Variants in RNF150 observed in about 807,000 individuals in gnomAD.
RNF150 encodes the protein ring finger protein 150.
In RNF150, 24 loss-of-function variants were observed where a neutral mutation model predicts 39.3. That is an observed-to-expected ratio of 0.61 (90% confidence interval 0.44 to 0.86). RNF150 has a LOEUF of 0.86. RNF150 is among the 40% of genes least tolerant of loss of function. The probability of loss-of-function intolerance (pLI) is 0.00; values close to 1 mark genes in which losing one functional copy is unlikely to be tolerated. For synonymous variants in RNF150, 255 were observed against 227.3 expected (o/e 1.12, Z -1.10); for missense variants, 502 against 587.8 (o/e 0.85, Z 1.51).
At chr4:141,062,319 A>G (rs28430438) in intron 1 of RNF150, among the ~76,000 whole-genome samples, 30,029 of 152,008 alleles carry the variant, frequency 0.2, 3,323 homozygotes, top group South Asian at 0.44. Flanking sequence ...ATAAACATGC[A>G]TCTTATATAT....
At chr4:141,027,919 T>G (rs7664391) in intron 1 of RNF150, among the ~76,000 whole-genome samples, 32,581 of 76,808 alleles carry the variant, frequency 0.42, 6,476 homozygotes, top group East Asian at 0.5. Context: ...TTTGTTTTTT[T>G]TTTTTTGTTT....
rs4019263 is a variant in RNF150, at chr4:141,030,281, CA to C, written c.485-62409del. ...ACCTCATACCCATTATAATGGCTAT[CA>C]AAAAAAAAAAACCCAGAAAATAACA... is the stretch of plus-strand genomic sequence containing the variant. On this transcript the variant is annotated intron_variant, in intron 1 of 6. Transcript: ENST00000515673. Among the ~76,000 whole-genome samples the C allele has an allele frequency of 3.6e-3, 538 of 148,090 alleles. 2 individuals are homozygous for C. Among genetic ancestry groups the C allele is most frequent in the African/African-American group, 7.9e-3 (319 of 40,164 alleles).
chr4:140,921,910 AT>A, intron 5 of RNF150, among the ~76,000 whole-genome samples: 1 of 152,120 alleles, frequency 6.6e-6, no homozygotes, highest in East Asian at 1.9e-4. Flanking sequence ...CTTTGACAAA[AT>A]TCAACAACGC....
chr4:141,009,414 C>A (rs1175058751), intron 1 of RNF150, among the ~76,000 whole-genome samples: 1 of 152,186 alleles, frequency 6.6e-6, no homozygotes, highest in Non-Finnish European at 1.5e-5. Context: ...GCTAGGCAAA[C>A]TATTTAACCT....
intron 2 of RNF150, among the ~76,000 whole-genome samples, chr4:140,956,043 C>G (rs566404868): frequency 2.0e-5 from 3 of 152,096 alleles, no homozygotes; most frequent in Non-Finnish European, 4.4e-5. Flanking sequence ...CTGGATTAGC[C>G]TCAAAGGCAA....
Position 140,970,753 on chromosome 4 carries a change from G to A in RNF150, c.485-2880C>T, listed in dbSNP as rs1733433022. On this transcript the variant is annotated intron_variant, in intron 1 of 6. Coordinates refer to ENST00000515673, the MANE Select transcript of RNF150 (RefSeq NM_020724.2). The stretch of plus-strand genomic sequence containing the variant: ...CACCACTTGTGTTGTCTGTGCCACT[G>A]TTGTGCCCTCATGACATATAATATC... Among the ~76,000 whole-genome samples, 3 of 152,124 alleles carry A rather than the reference G, an allele frequency of 2.0e-5. No individual in the cohort carries two copies. In the South Asian group the frequency reaches 6.2e-4, roughly 32 times the overall value.
intron 1 of RNF150, among the ~76,000 whole-genome samples, chr4:140,997,715 T>C (rs115014721): frequency 0.074 from 11,208 of 151,008 alleles, 488 homozygotes; most frequent in Middle Eastern, 0.17. Flanking sequence ...CACACACATA[T>C]ATGTGTGTAT....
Position 141,201,653 on chromosome 4 carries a change from C to T in RNF150, c.-6+11141G>A, listed in dbSNP as rs1728294614. On this transcript the variant is annotated intron_variant, in intron 1 of 7. Transcript: ENST00000420921. ...AATTTTCTTCTTGGAACCAAAGCCTCAAGGACCTCTTAAATCAGGGACTCC... is the reference window on the plus strand; with the variant it reads ...AATTTTCTTCTTGGAACCAAAGCCTTAAGGACCTCTTAAATCAGGGACTCC... Among the ~76,000 whole-genome samples the T allele has an allele frequency of 3.3e-5, 5 of 152,122 alleles. No individual in the cohort carries two copies. In the South Asian group the frequency reaches 1.0e-3, roughly 32 times the overall value.
chr4:140,964,681 T>C lies in RNF150; in HGVS notation c.735+2942A>G, dbSNP rs576623996. On this transcript the variant is annotated intron_variant, in intron 2 of 6. Transcript: ENST00000515673. ...ATGGGAAGATTAAACATCATAAAGT[T>C]ACAAATTTCCCCTAAATTATCCTAT... Among the ~76,000 whole-genome samples the C allele has an allele frequency of 2.6e-3, 394 of 152,182 alleles. 1 individual carries two copies. Among genetic ancestry groups the C allele is most frequent in the African/African-American group, 9.4e-3 (391 of 41,562 alleles).
At chr4:140,917,114 C>T (rs1578961963) in intron 5 of RNF150, among the ~76,000 whole-genome samples, 1 of 152,264 alleles carries the variant, frequency 6.6e-6, no homozygotes, top group East Asian at 1.9e-4. Flanking sequence ...ACCATCAAGG[C>T]TAGGAAGAAA....
chr4:141,117,657 A>G (rs963720458), intron 1 of RNF150, among the ~76,000 whole-genome samples: 5 of 152,220 alleles, frequency 3.3e-5, no homozygotes, highest in African/African-American at 1.2e-4. Context: ...TAAGCAATGC[A>G]TGACTATGTA....
rs1431851091 is a variant in RNF150 at position 140,860,269 on chromosome 4, T to G, written c.*7992A>C. On this transcript the variant is annotated 3_prime_UTR_variant, in exon 7 of 7. Transcript: ENST00000515673. Reference sequence around the variant, plus strand: ...AAAAATTTAAAAAACTACACTGCCTTAACTAATCATCTCAATATGCACACA... The same window carrying G: ...AAAAATTTAAAAAACTACACTGCCTGAACTAATCATCTCAATATGCACACA... 1 of 152,170 alleles carries G rather than the reference T, an allele frequency of 6.6e-6. No homozygotes were observed. The highest frequency in any genetic ancestry group is 1.5e-5 in the Non-Finnish European group (1 of 68,026). 9.4% of individuals were successfully genotyped at this position (152,170 alleles called of 1,614,324 possible). A position where few individuals can be genotyped will look rare whatever the true frequency, so the allele number is the denominator to read the frequency against.
chr4:140,999,962 AGAAGAAG>A (rs1166483114), intron 1 of RNF150, among the ~76,000 whole-genome samples: 2 of 34,206 alleles, frequency 5.8e-5, no homozygotes, highest in East Asian at 7.9e-4. Context: ...AAGAAGAAGA[AGAAGAAG>A]AAGAAGAAAA....
At chr4:141,087,949 T>C (rs949423014) in intron 1 of RNF150, among the ~76,000 whole-genome samples, 11 of 152,154 alleles carry the variant, frequency 7.2e-5, no homozygotes, top group Non-Finnish European at 1.6e-4. Context: ...GTCCCTTCAT[T>C]TGAGGACATG....
exon 1 of RNF150, chr4:141,212,801 T>C (rs756012838): frequency 6.5e-6 from 1 of 152,946 alleles, no homozygotes; most frequent in Non-Finnish European, 1.5e-5. Flanking sequence ...CACAGTTCCA[T>C]AGGCTGTACA....
chr4:140,957,843 T>C (rs1394159317), intron 2 of RNF150, among the ~76,000 whole-genome samples: 3 of 141,806 alleles, frequency 2.1e-5, no homozygotes, highest in Non-Finnish European at 4.5e-5. Context: ...AGGTGGGAAA[T>C]GAACAATGAG....
At chr4:140,965,630 G>A (rs1389754461) in intron 2 of RNF150, among the ~76,000 whole-genome samples, 2 of 152,034 alleles carry the variant, frequency 1.3e-5, no homozygotes, top group Non-Finnish European at 2.9e-5. Flanking sequence ...GGAGGACATC[G>A]TGTTAAGTGA....
At chr4:140,987,785 G>C (rs1413088106) in intron 1 of RNF150, among the ~76,000 whole-genome samples, 1 of 151,926 alleles carries the variant, frequency 6.6e-6, no homozygotes, top group African/African-American at 2.4e-5. Context: ...AAACAGCTTT[G>C]GTACAGCAAA....
intron 1 of RNF150, among the ~76,000 whole-genome samples, chr4:141,039,189 C>G (rs147711519): frequency 5.6e-4 from 86 of 152,216 alleles, no homozygotes; most frequent in African/African-American, 2.1e-3. Context: ...TAAGAATTTA[C>G]GAGCCTCTTT....
Sources: gnomAD v4.1 joint callset for allele counts (sites outside exome capture counted in the v4.1 genomes callset) on GRCh38, gnomAD v4.1.1 for gene constraint, MANE v1.5 for transcripts, NCBI Gene and HGNC (gene_info 2026-07-23, HGNC 2026-07-21) for gene names.